The following CWC27 variants were observed in gnomAD, a reference collection of about 807,000 sequenced individuals.
CWC27 encodes spliceosome-associated protein CWC27 homolog.
Under a neutral mutation model 63.6 loss-of-function variants are expected in CWC27, and 47 were observed. That is an observed-to-expected ratio of 0.74 (90% CI 0.58 to 0.94). The LOEUF is 0.94. Among genes scored for constraint, CWC27 ranks in the 40% least tolerant of loss-of-function variants. CWC27 has a pLI of 0.00. For synonymous variants in CWC27, 175 were observed against 179.8 expected, an observed-to-expected ratio of 0.97 and a Z score of 0.22; for missense variants, 495 against 554.3, an observed-to-expected ratio of 0.89 and a Z score of 1.07.
chr5:64,941,419 T>C (rs1361740795), intron 11 of CWC27, among the ~76,000 whole-genome samples: 1 of 152,186 alleles, frequency 6.6e-6, no homozygotes, highest in Non-Finnish European at 1.5e-5. Context: ...AATACTTGCT[T>C]CTTTGCTACT....
At chr5:64,961,771 A>G (rs930666879) in intron 11 of CWC27, among the ~76,000 whole-genome samples, 2 of 152,192 alleles carry the variant, frequency 1.3e-5, no homozygotes, top group Non-Finnish European at 2.9e-5. Context: ...GCTTTACTAT[A>G]TTCTAATTTT....
chr5:64,963,504 G>A (rs1309906662), intron 11 of CWC27, among the ~76,000 whole-genome samples: 1 of 152,140 alleles, frequency 6.6e-6, no homozygotes, highest in Non-Finnish European at 1.5e-5. Flanking sequence ...TATGAAACAT[G>A]AACGTACTAT....
At chr5:64,834,498 A>G (rs1745607438) in intron 10 of CWC27, among the ~76,000 whole-genome samples, 1 of 151,722 alleles carries the variant, frequency 6.6e-6, no homozygotes, top group Non-Finnish European at 1.5e-5. Flanking sequence ...AGTCCTATGA[A>G]ACACCTTTCA....
At chr5:64,826,112 T>C (rs1439063566) in intron 10 of CWC27, among the ~76,000 whole-genome samples, 4 of 151,572 alleles carry the variant, frequency 2.6e-5, no homozygotes, top group South Asian at 4.1e-4. Context: ...TCTATCTATC[T>C]ATCCATCCAT....
chr5:64,971,945 T>A, intron 12 of CWC27, 133 bp downstream of exon 12: 1 of 488,920 alleles, frequency 2.0e-6, no homozygotes. Context: ...AATATATTTA[T>A]ATAGGGTGGA....
chr5:64,799,539 T>C (rs894804170), intron 7 of CWC27, among the ~76,000 whole-genome samples: 1 of 147,766 alleles, frequency 6.8e-6, no homozygotes, highest in African/African-American at 2.5e-5. Flanking sequence ...TGAGCTGAGA[T>C]CACACCACTG....
At chr5:65,008,537 A>C (rs930979267) in intron 13 of CWC27, among the ~76,000 whole-genome samples, 3 of 152,234 alleles carry the variant, frequency 2.0e-5, no homozygotes, top group Non-Finnish European at 2.9e-5. Context: ...TTCTGAACTG[A>C]TTAAAGATTA....
intron 11 of CWC27, among the ~76,000 whole-genome samples, chr5:64,903,530 A>T (rs1335720843): frequency 1.3e-5 from 2 of 149,592 alleles, no homozygotes; most frequent in East Asian, 2.0e-4. Flanking sequence ...CTGTTGGGGG[A>T]TCGGGGCAAG....
intron 13 of CWC27, among the ~76,000 whole-genome samples, chr5:65,017,320 C>CA (rs531887152): frequency 3.9e-4 from 58 of 147,844 alleles, no homozygotes; most frequent in South Asian, 2.1e-3. Context: ...GACTCCATCT[C>CA]AAAAAAAAAA....
At position 64,975,456 on chromosome 5, in the gene CWC27, G is replaced by A. The variant is rs140382133; in HGVS notation, c.1153-1679G>A. ...ATCTTGATTAGGCCCTTGATTTCTC[G>A]GACAGGTAGTATTTTATCCCATTTC... On this transcript the variant is annotated intron_variant, in intron 12 of 13. Coordinates refer to ENST00000381070, the MANE Select transcript of CWC27 (RefSeq NM_005869.4). Among the ~76,000 whole-genome samples, 924 of 151,946 alleles carry A rather than the reference G, an allele frequency of 6.1e-3. 8 individuals are homozygous for A. Among genetic ancestry groups the A allele is most frequent in the Middle Eastern group, 0.02 (6 of 294 alleles).
intron 11 of CWC27, among the ~76,000 whole-genome samples, chr5:64,893,303 A>G (rs1747285206): frequency 1.3e-5 from 2 of 152,248 alleles, no homozygotes; most frequent in Admixed American, 1.3e-4. Flanking sequence ...CATCAAACAT[A>G]TAATTCATTC....
chr5:65,008,460 G>C (rs1364967873), intron 13 of CWC27, among the ~76,000 whole-genome samples: 3 of 152,228 alleles, frequency 2.0e-5, no homozygotes, highest in Admixed American at 1.3e-4. Context: ...AGTTGGGACA[G>C]TGAGGTAGCC....
At chr5:64,826,440 T>C (rs75708919) in intron 10 of CWC27, among the ~76,000 whole-genome samples, 4,192 of 152,296 alleles carry the variant, frequency 0.028, 202 homozygotes, top group African/African-American at 0.096. Context: ...GTATGTTCCA[T>C]GTACACTTGA....
At chr5:64,952,000 G>A (rs374676909) in intron 11 of CWC27, among the ~76,000 whole-genome samples, 1 of 151,808 alleles carries the variant, frequency 6.6e-6, no homozygotes, top group Non-Finnish European at 1.5e-5. Flanking sequence ...AAAGAATACA[G>A]TTGTCCCTCA....
intron 11 of CWC27, among the ~76,000 whole-genome samples, chr5:64,956,482 A>G (rs550566553): frequency 5.1e-4 from 77 of 152,062 alleles, no homozygotes; most frequent in Non-Finnish European, 9.3e-4. Flanking sequence ...TTTACCTGCT[A>G]TTGCCAAATC....
rs1554023999 is a variant in CWC27 at position 64,916,885 on chromosome 5, T to TTAGCAG, written c.1042+31342_1042+31343insCAGTAG. Among the ~76,000 whole-genome samples the TTAGCAG allele has an allele frequency of 2.1e-5, 3 of 144,020 alleles. No individual in the cohort carries two copies. In the East Asian group the frequency reaches 6.1e-4, roughly 29 times the overall value. The allele number at this position is 144,020 out of a possible 152,430, so 94.5% of individuals were successfully genotyped here. Reference sequence around the variant, plus strand: ...GTAACTTTTGGTGGCAGTAGTAGTATTAGTAGTAGTAGTAGTAGTAGTAGT... The same window carrying TTAGCAG: ...GTAACTTTTGGTGGCAGTAGTAGTATTAGCAGTAGTAGTAGTAGTAGTAGTAGTAGT... On this transcript the variant is annotated intron_variant, in intron 11 of 13. Coordinates refer to ENST00000381070, the MANE Select transcript of CWC27 (RefSeq NM_005869.4).
chr5:65,017,940 C>G (rs1750078338), intron 13 of CWC27, among the ~76,000 whole-genome samples: 1 of 152,220 alleles, frequency 6.6e-6, no homozygotes, highest in South Asian at 2.1e-4. Flanking sequence ...AGACTCTCTA[C>G]TAGAAATACA....
chr5:64,785,620 C>A, intron 5 of CWC27, 41 bp downstream of exon 5: 2 of 1,233,248 alleles, frequency 1.6e-6, no homozygotes, highest in South Asian at 1.2e-5. Context: ...CTTACATTGT[C>A]GTTTAAGAGG....
chr5:64,874,646 A>G (rs114111243), intron 10 of CWC27, among the ~76,000 whole-genome samples: 2,095 of 151,956 alleles, frequency 0.014, 30 homozygotes, highest in African/African-American at 0.038. Context: ...TAAAATCTCT[A>G]TTTCTAGGTT....
Sources: gnomAD v4.1 joint callset for allele counts (sites outside exome capture counted in the v4.1 genomes callset) on GRCh38, gnomAD v4.1.1 for gene constraint, MANE v1.5 for transcripts, NCBI Gene and HGNC (gene_info 2026-07-23, HGNC 2026-07-21) for gene names.